The following OSBPL5 variants were observed in gnomAD, a reference collection of about 807,000 sequenced individuals.
OSBPL5 encodes the protein oxysterol-binding protein-related protein 5.
A neutral mutation model predicts 111.2 loss-of-function variants in OSBPL5; 71 were observed. That is an observed-to-expected ratio of 0.64 (90% CI 0.53 to 0.78). The LOEUF is 0.78. Among genes scored for constraint, OSBPL5 ranks in the 30% least tolerant of loss-of-function variants. The pLI is 0.00. For synonymous variants in OSBPL5, 549 were observed against 513.9 expected, an observed-to-expected ratio of 1.07 and a Z score of -0.93; for missense variants, 1,210 against 1,189.3, an observed-to-expected ratio of 1.02 and a Z score of -0.26.
chr11:3,107,948 G>A lies in OSBPL5; in HGVS notation c.692-3C>T. 1 of 1,595,302 alleles carries A rather than the reference G, an allele frequency of 6.3e-7. No individual in the cohort carries two copies. The highest frequency in any genetic ancestry group is 8.5e-7 in the Non-Finnish European group (1 of 1,178,996). ...CAGGGCGTCCAGCCAGCAGCGACCT[G>A]CGGGGCACACGGGATGAGCATGCCC... On this transcript the variant is annotated splice_polypyrimidine_tract_variant and splice_region_variant and intron_variant, in intron 7 of 21. Coordinates refer to ENST00000263650, the MANE Select transcript of OSBPL5 (RefSeq NM_020896.4). This position sits in a 1 kb window ranked among gnomAD's most constrained non-coding sequence, Gnocchi z 6.1.
At chr11:3,088,379 C>A in intron 21 of OSBPL5, 36 bp from the exon 22 acceptor site, 1 of 1,479,228 alleles carries the variant, frequency 6.8e-7, no homozygotes, top group Non-Finnish European at 9.0e-7. Flanking sequence ...GGGGCTGTGC[C>A]AATGCCAGCA....
intron 7 of OSBPL5, among the ~76,000 whole-genome samples, chr11:3,114,959 T>A (rs1025067967): frequency 2.6e-5 from 4 of 152,174 alleles, no homozygotes; most frequent in African/African-American, 4.8e-5. Flanking sequence ...TTTAATTTTT[T>A]AATTTTAACC....
intron 3 of OSBPL5, among the ~76,000 whole-genome samples, chr11:3,125,610 C>A (rs146481007): frequency 0.099 from 15,101 of 152,230 alleles, 798 homozygotes; most frequent in South Asian, 0.14. Context: ...TCAAGGCCAT[C>A]CTGGCTAACA....
intron 1 of OSBPL5, among the ~76,000 whole-genome samples, chr11:3,160,002 C>T (rs1846905496): frequency 6.6e-6 from 1 of 152,184 alleles, no homozygotes. Flanking sequence ...CGGTGCCTGC[C>T]ACCATCACCA....
At position 3,113,428 on chromosome 11, in the gene OSBPL5, G is replaced by A. The variant is rs1858081028; in HGVS notation, c.692-5483C>T. Among the ~76,000 whole-genome samples the A allele has an allele frequency of 1.3e-5, 2 of 152,076 alleles. No homozygotes were observed. The highest frequency in any genetic ancestry group is 4.8e-5 in the African/African-American group (2 of 41,402). On this transcript the variant is annotated intron_variant, in intron 7 of 21. Transcript: ENST00000263650. This position sits in a 1 kb window ranked among gnomAD's most constrained non-coding sequence, Gnocchi z 4.8. ...TCTCAGCACTTTGGGAGGCTGAGGT[G>A]GGTGGATCACAAAGTCAGGAGTTCA...
At position 3,122,385 on chromosome 11, in the gene OSBPL5, G is replaced by C. The variant is rs1255657028; in HGVS notation, c.263C>G (p.Ser88Cys). The change falls in exon 4 of 22, where the codon TCC becomes TGC. Residue 88 changes from serine (S) to cysteine (C), a missense_variant. Coordinates refer to ENST00000263650, the MANE Select transcript of OSBPL5 (RefSeq NM_020896.4). ...CTTCTTGGTGACCCTGGCGGTGGGG[G>C]ACACACATTCCTTGTCTGACCCGTT... ...LCNGSDKECVSPTARVTKKET... is the reference protein window; with the variant it reads ...LCNGSDKECVCPTARVTKKET... 6.2e-7 allele frequency: 1 copy of C among 1,613,818 alleles called. No individual in the cohort carries two copies. Among genetic ancestry groups the C allele is most frequent in the African/African-American group, 1.3e-5 (1 of 74,946 alleles).
At chr11:3,122,216 A>C in intron 4 of OSBPL5, 118 bp from the exon 5 acceptor site, 1 of 1,319,366 alleles carries the variant, frequency 7.6e-7, no homozygotes, top group Non-Finnish European at 1.1e-6. Flanking sequence ...AGTAGGAGGA[A>C]GTAGGGGGTG....
intron 3 of OSBPL5, among the ~76,000 whole-genome samples, chr11:3,125,284 C>A (rs1324658547): frequency 6.6e-6 from 1 of 152,194 alleles, no homozygotes; most frequent in African/African-American, 2.4e-5. Flanking sequence ...AGTCGCAAAT[C>A]ATGTATCGGA....
rs1846688421 is a variant in OSBPL5 at position 3,154,408 on chromosome 11, G to A, written c.-22+10808C>T. Among the ~76,000 whole-genome samples, 1 of 152,250 alleles carries A rather than the reference G, an allele frequency of 6.6e-6. No individual in the cohort carries two copies. Among genetic ancestry groups the A allele is most frequent in the Non-Finnish European group, 1.5e-5 (1 of 68,046 alleles). ...GTGTGGCACAGGCGGGGTGAGCCCGGAAGGGTGAGCATGCGCCTGCTGACG... is the reference window on the plus strand; with the variant it reads ...GTGTGGCACAGGCGGGGTGAGCCCGAAAGGGTGAGCATGCGCCTGCTGACG... On this transcript the variant is annotated intron_variant, in intron 1 of 21. Coordinates refer to ENST00000263650, the MANE Select transcript of OSBPL5 (RefSeq NM_020896.4). This position sits in a 1 kb window ranked among gnomAD's most constrained non-coding sequence, Gnocchi z 4.9.
intron 13 of OSBPL5, among the ~76,000 whole-genome samples, chr11:3,101,268 CT>C (rs56178963): frequency 1 from 152,158 of 152,164 alleles, 76,076 homozygotes; most frequent in Middle Eastern, 1. Flanking sequence ...AGCCACCATG[CT>C]TTGACTAAGT....
At position 3,104,931 on chromosome 11, in the gene OSBPL5, C is replaced by G. The variant is rs1857642488; in HGVS notation, c.1060-554G>C. ...GAGTTTGGAGGTGAGCCTGCTCCTG[C>G]AAAACCGACACGGGCATGTGAACTC... On this transcript the variant is annotated intron_variant, in intron 9 of 21. Transcript: ENST00000263650. The surrounding 1 kb of genome is among the most constrained non-coding windows in gnomAD (Gnocchi z 5.0). Among the ~76,000 whole-genome samples the G allele has an allele frequency of 6.6e-6, 1 of 152,218 alleles. No individual in the cohort carries two copies. The highest frequency in any genetic ancestry group is 2.4e-5 in the African/African-American group (1 of 41,460).
intron 11 of OSBPL5, among the ~76,000 whole-genome samples, chr11:3,102,839 G>A (rs1857504611): frequency 6.6e-6 from 1 of 152,174 alleles, no homozygotes; most frequent in East Asian, 1.9e-4. Flanking sequence ...TCCTGGGTTT[G>A]GGGTTCTAAA....
chr11:3,092,239 C>A lies in OSBPL5; in HGVS notation c.2259+193G>T, dbSNP rs1033032010. 6.6e-6 allele frequency among the ~76,000 whole-genome samples: 1 copy of A among 152,136 alleles called. No homozygotes were observed. Among genetic ancestry groups the A allele is most frequent in the Non-Finnish European group, 1.5e-5 (1 of 68,008 alleles). ...CCCACAAGCCAAGGTGCCCCTAGAA[C>A]TGAGCATCCTGCAAATCCCGGTTTC... On this transcript the variant is annotated intron_variant, in intron 19 of 21. Coordinates refer to ENST00000263650, the MANE Select transcript of OSBPL5 (RefSeq NM_020896.4). This position sits in a 1 kb window ranked among gnomAD's most constrained non-coding sequence, Gnocchi z 5.4.
In OSBPL5 at chr11:3,154,618, G is replaced by A. The variant is rs1018990752; in HGVS notation, c.-22+10598C>T. ...TCCGGGCAAATGCTGGGCCCTCACA[G>A]GGGATAAAAACAGAACCCACTGACG... On this transcript the variant is annotated intron_variant, in intron 1 of 21. Transcript: ENST00000263650. The surrounding 1 kb of genome is among the most constrained non-coding windows in gnomAD (Gnocchi z 4.9). Among the ~76,000 whole-genome samples, 22 of 152,196 alleles carry A rather than the reference G, an allele frequency of 1.4e-4. No homozygotes were observed. The highest frequency in any genetic ancestry group is 5.3e-4 in the African/African-American group (22 of 41,442).
chr11:3,126,566 G>C lies in OSBPL5; in HGVS notation c.137-11C>G, dbSNP rs778699128. On this transcript the variant is annotated splice_polypyrimidine_tract_variant and intron_variant, in intron 2 of 21. Coordinates refer to ENST00000263650, the MANE Select transcript of OSBPL5 (RefSeq NM_020896.4). The surrounding 1 kb of genome is among the most constrained non-coding windows in gnomAD (Gnocchi z 6.5). ...GCTCCATGTCCTTCCCTGCAAGAGAGCAGTGGGAGTGAGGACCCAGGCATG... is the reference window on the plus strand; with the variant it reads ...GCTCCATGTCCTTCCCTGCAAGAGACCAGTGGGAGTGAGGACCCAGGCATG... The C allele has an allele frequency of 6.2e-7, 1 of 1,605,064 alleles. No homozygotes were observed. Among genetic ancestry groups the C allele is most frequent in the Non-Finnish European group, 8.5e-7 (1 of 1,177,210 alleles).
At chr11:3,117,677 C>T (rs1347879818) in intron 7 of OSBPL5, among the ~76,000 whole-genome samples, 4 of 152,178 alleles carry the variant, frequency 2.6e-5, no homozygotes, top group Non-Finnish European at 5.9e-5. Context: ...TTATTTTCTG[C>T]ACTTTGGATG....
At chr11:3,163,679 CCT>C (rs1847032431) in intron 1 of OSBPL5, among the ~76,000 whole-genome samples, 1 of 152,222 alleles carries the variant, frequency 6.6e-6, no homozygotes, top group South Asian at 2.1e-4. Context: ...TGCAGGGCAG[CCT>C]CTCTGAGACC....
intron 7 of OSBPL5, among the ~76,000 whole-genome samples, chr11:3,114,549 G>T (rs935775136): frequency 3.7e-5 from 5 of 134,248 alleles, no homozygotes; most frequent in Admixed American, 7.6e-5. Flanking sequence ...TGGGTTTGAT[G>T]TAAAAAAACA....
intron 1 of OSBPL5, among the ~76,000 whole-genome samples, chr11:3,131,898 CTCCCTTTCAGG>C (rs1254326592): frequency 2.1e-5 from 3 of 143,696 alleles, no homozygotes; most frequent in Admixed American, 6.9e-5. Context: ...CCCACCCTCC[CTCCCTTTCAGG>C]CATCCATCCA....
Sources: allele counts gnomAD v4.1 joint callset (sites outside exome capture counted in the v4.1 genomes callset), GRCh38; gene constraint gnomAD v4.1.1; non-coding constraint Gnocchi (gnomAD v3.1); transcripts MANE v1.5; gene names NCBI Gene and HGNC (gene_info 2026-07-23, HGNC 2026-07-21).